The following SPIN1 variants were observed in gnomAD, a reference collection of about 807,000 sequenced individuals.
SPIN1 encodes spindlin 1.
SPIN1 carries 3 observed loss-of-function variants against 26.0 expected under a neutral mutation model. The ratio of observed to expected loss-of-function variants is 0.12; its 90% CI spans 0.05 to 0.30. The LOEUF is 0.30. SPIN1 is among the 10% of genes least tolerant of loss of function. The probability of loss-of-function intolerance (pLI) is 1.00; values close to 1 mark genes in which losing one functional copy is unlikely to be tolerated. For synonymous variants in SPIN1, 101 were observed against 116.5 expected (o/e 0.87, Z 0.86); for missense variants, 126 against 333.4 (o/e 0.38, Z 4.84).
chr9:88,412,821 C>G (rs999142927), intron 1 of SPIN1, among the ~76,000 whole-genome samples: 1 of 151,858 alleles, frequency 6.6e-6, no homozygotes, highest in Non-Finnish European at 1.5e-5. Context: ...GTAGCTGGGA[C>G]TACAGGCGCA....
intron 2 of SPIN1, among the ~76,000 whole-genome samples, chr9:88,436,915 C>T (rs1056152780): frequency 1.3e-5 from 2 of 151,746 alleles, no homozygotes; most frequent in South Asian, 2.1e-4. Flanking sequence ...CAGGCGCCCG[C>T]CACTACGCCC....
At chr9:88,460,256 C>G (rs1828552826) in intron 3 of SPIN1, among the ~76,000 whole-genome samples, 1 of 152,096 alleles carries the variant, frequency 6.6e-6, no homozygotes, top group Non-Finnish European at 1.5e-5. Context: ...CCGTCTGTCC[C>G]CTTTTCATCA....
At chr9:88,400,807 T>G (rs1003510123) in intron 1 of SPIN1, among the ~76,000 whole-genome samples, 1 of 149,558 alleles carries the variant, frequency 6.7e-6, no homozygotes, top group Non-Finnish European at 1.5e-5. Context: ...ATCATGCCAC[T>G]GCACTCTAGC....
intron 2 of SPIN1, among the ~76,000 whole-genome samples, chr9:88,440,742 G>A: frequency 6.6e-6 from 1 of 151,466 alleles, no homozygotes; most frequent in Admixed American, 6.6e-5. Flanking sequence ...ACCACGCCAA[G>A]CTATTTCTTG....
chr9:88,439,582 A>G (rs993308153), intron 2 of SPIN1, among the ~76,000 whole-genome samples: 2 of 152,200 alleles, frequency 1.3e-5, no homozygotes, highest in African/African-American at 2.4e-5. Context: ...TGAATAACAG[A>G]TACTCGACCT....
intron 1 of SPIN1, among the ~76,000 whole-genome samples, chr9:88,422,693 A>T (rs1022829590): frequency 6.6e-6 from 1 of 151,312 alleles, no homozygotes; most frequent in Non-Finnish European, 1.5e-5. Flanking sequence ...ACATCTCAAC[A>T]TGAGGGAAGG....
intron 1 of SPIN1, among the ~76,000 whole-genome samples, chr9:88,404,910 C>G (rs571844764): frequency 1.4e-5 from 2 of 139,896 alleles, no homozygotes; most frequent in African/African-American, 5.4e-5. Context: ...AGTGAGATTT[C>G]GTCTCAAAAA....
rs1325493906 is a variant in SPIN1 at position 88,476,023 on chromosome 9, TACAATCTGGTGA to T, written c.*756_*767del. On this transcript the variant is annotated 3_prime_UTR_variant, in exon 6 of 6. Transcript: ENST00000375859. ...CAGTTAATGACCCATATTAGAATTT[TACAATCTGGTGA>T]ACAATCTGGGTAAAAGGCTACCTTT... 6.6e-6 allele frequency: 1 copy of T among 152,190 alleles called. No homozygotes were observed. Among genetic ancestry groups the T allele is most frequent in the Non-Finnish European group, 1.5e-5 (1 of 68,046 alleles). 9.4% of individuals were successfully genotyped at this position (152,190 alleles called of 1,614,324 possible).
intron 1 of SPIN1, among the ~76,000 whole-genome samples, chr9:88,421,960 CAT>C (rs1827676441): frequency 6.6e-6 from 1 of 152,080 alleles, no homozygotes; most frequent in Non-Finnish European, 1.5e-5. Context: ...TGCTTTGCGT[CAT>C]ATCACATTAA....
chr9:88,399,035 G>GTT (rs879324006), intron 1 of SPIN1, among the ~76,000 whole-genome samples: 28 of 141,900 alleles, frequency 2.0e-4, no homozygotes, highest in African/African-American at 3.6e-4. Context: ...GGCTTAAGCA[G>GTT]TTTTTTTTTT....
At chr9:88,449,202 CT>C (rs955174780) in intron 3 of SPIN1, among the ~76,000 whole-genome samples, 52 of 151,912 alleles carry the variant, frequency 3.4e-4, no homozygotes, top group African/African-American at 1.1e-3. Flanking sequence ...ACCCTTCAGC[CT>C]TTAAAAGCCT....
chr9:88,464,303 C>T (rs1411950005), intron 4 of SPIN1, among the ~76,000 whole-genome samples: 1 of 152,196 alleles, frequency 6.6e-6, no homozygotes, highest in Non-Finnish European at 1.5e-5. Context: ...GCCAAAACAG[C>T]AGTTACTTTG....
intron 1 of SPIN1, among the ~76,000 whole-genome samples, chr9:88,422,541 A>G (rs1827689559): frequency 1.3e-5 from 2 of 152,188 alleles, no homozygotes; most frequent in Non-Finnish European, 2.9e-5. Context: ...GTTAGCACTC[A>G]TTAGTGTTTT....
chr9:88,424,289 G>A (rs1467675244), intron 1 of SPIN1, among the ~76,000 whole-genome samples: 1 of 152,148 alleles, frequency 6.6e-6, no homozygotes, highest in Non-Finnish European at 1.5e-5. Flanking sequence ...CCAATAGCAA[G>A]CCTGTCTGCT....
At chr9:88,454,544 ATTTCT>A (rs1011745897) in intron 3 of SPIN1, among the ~76,000 whole-genome samples, 3 of 152,290 alleles carry the variant, frequency 2.0e-5, no homozygotes, top group African/African-American at 7.2e-5. Context: ...AGAAATTAAA[ATTTCT>A]TTTAGGAACT....
intron 1 of SPIN1, among the ~76,000 whole-genome samples, chr9:88,397,956 C>T (rs1030469038): frequency 1.1e-4 from 17 of 151,674 alleles, no homozygotes; most frequent in African/African-American, 4.1e-4. Context: ...GGTCTCACTC[C>T]AGTTGCCTAG....
intron 1 of SPIN1, among the ~76,000 whole-genome samples, chr9:88,390,223 C>T (rs964379915): frequency 1.3e-5 from 2 of 152,152 alleles, no homozygotes; most frequent in Non-Finnish European, 2.9e-5. Flanking sequence ...TGGATGTTCC[C>T]TGGAACAGCC....
At chr9:88,437,394 A>G (rs1022266946) in intron 2 of SPIN1, among the ~76,000 whole-genome samples, 2 of 151,668 alleles carry the variant, frequency 1.3e-5, no homozygotes, top group Non-Finnish European at 2.9e-5. Context: ...GCCACTCGGG[A>G]GGTTGAGGCG....
chr9:88,396,191 A>G (rs963008853), intron 1 of SPIN1, among the ~76,000 whole-genome samples: 1 of 151,780 alleles, frequency 6.6e-6, no homozygotes, highest in Non-Finnish European at 1.5e-5. Flanking sequence ...GTGAGCTGAG[A>G]TCGCGCCATT....
Sources: gnomAD v4.1 joint callset for allele counts (sites outside exome capture counted in the v4.1 genomes callset) on GRCh38, gnomAD v4.1.1 for gene constraint, MANE v1.5 for transcripts, NCBI Gene and HGNC (gene_info 2026-07-23, HGNC 2026-07-21) for gene names.